The following NPTN variants were observed in gnomAD, a reference collection of about 807,000 sequenced individuals.
NPTN encodes neuroplastin.
In NPTN, 5 loss-of-function variants were observed where a neutral mutation model predicts 42.7. The observed-to-expected ratio is 0.12, with a 90% CI of 0.06 to 0.25. The LOEUF is 0.25. Among genes scored for constraint, NPTN ranks in the 10% least tolerant of loss-of-function variants. NPTN has a pLI of 1.00. For missense variants in NPTN, 307 were observed against 525.4 expected, an observed-to-expected ratio of 0.58 and a Z score of 4.06; for synonymous variants, 180 against 201.9, an observed-to-expected ratio of 0.89 and a Z score of 0.92.
intron 1 of NPTN, among the ~76,000 whole-genome samples, chr15:73,615,736 A>G (rs1026415319): frequency 9.2e-5 from 14 of 152,154 alleles, no homozygotes; most frequent in Admixed American, 2.6e-4. Flanking sequence ...CATTACTAAC[A>G]AAGACCGATT....
chr15:73,566,943 G>A (rs1428366223), intron 6 of NPTN: 2 of 852,552 alleles, frequency 2.3e-6, no homozygotes. Flanking sequence ...GCAGGTGGGT[G>A]TTTTCATGTA....
At chr15:73,572,253 A>G (rs766790725) in intron 5 of NPTN, among the ~76,000 whole-genome samples, 18 of 152,340 alleles carry the variant, frequency 1.2e-4, no homozygotes, top group Non-Finnish European at 2.5e-4. Context: ...AACCCTTCCA[A>G]AGAAGATGGA....
At chr15:73,614,521 G>C (rs1346946488) in intron 1 of NPTN, among the ~76,000 whole-genome samples, 1 of 152,228 alleles carries the variant, frequency 6.6e-6, no homozygotes, top group East Asian at 1.9e-4. Context: ...CATATTCTAT[G>C]AATCCATGAA....
At chr15:73,603,696 A>C (rs1031814050) in intron 1 of NPTN, among the ~76,000 whole-genome samples, 3 of 152,272 alleles carry the variant, frequency 2.0e-5, no homozygotes, top group Non-Finnish European at 2.9e-5. Context: ...AGTAGAAAAT[A>C]ATCCTATCAA....
intron 1 of NPTN, among the ~76,000 whole-genome samples, chr15:73,598,472 TAA>T (rs201563805): frequency 4.2e-5 from 6 of 142,670 alleles, no homozygotes; most frequent in African/African-American, 1.5e-4. Context: ...CAGAAAGAGT[TAA>T]AAAAAAAAAA....
chr15:73,569,530 C>G lies in NPTN; in HGVS notation c.1114+620G>C. On this transcript the variant is annotated intron_variant, in intron 6 of 8. Transcript: ENST00000345330. This position sits in a 1 kb window ranked among gnomAD's most constrained non-coding sequence, Gnocchi z 4.1. ...TAGATGGGTGGATACATCAGACTCT[C>G]CTTTGTCTGTGAGACACAGATGGAA... 1 of 985,458 alleles carries G rather than the reference C, an allele frequency of 1.0e-6. No individual in the cohort carries two copies. Among genetic ancestry groups the G allele is most frequent in the Non-Finnish European group, 1.2e-6 (1 of 829,948 alleles). 61.0% of individuals were successfully genotyped at this position (985,458 alleles called of 1,614,324 possible). A position where few individuals can be genotyped will look rare whatever the true frequency, so the allele number is the denominator to read the frequency against.
At chr15:73,615,567 A>T (rs899867532) in intron 1 of NPTN, among the ~76,000 whole-genome samples, 2 of 152,210 alleles carry the variant, frequency 1.3e-5, no homozygotes, top group African/African-American at 4.8e-5. Flanking sequence ...ACATTATTTA[A>T]TCCAAACACA....
At chr15:73,571,523 G>C (rs1414993326) in intron 5 of NPTN, among the ~76,000 whole-genome samples, 2 of 152,150 alleles carry the variant, frequency 1.3e-5, no homozygotes, top group Non-Finnish European at 2.9e-5. Flanking sequence ...GAAAGAGTCA[G>C]GGAAAGCTTC....
In NPTN at chr15:73,561,987, G is replaced by A; in HGVS notation, c.1137-17C>T. 1.3e-6 allele frequency: 2 copies of A among 1,581,484 alleles called. No individual in the cohort carries two copies. The highest frequency in any genetic ancestry group is 2.3e-5 in the South Asian group (2 of 87,074). ...TTGGTTTTCCTTTGGAGGAAAAATT[G>A]CATTACATGAGTTAAACTCAGTCAA... On this transcript the variant is annotated splice_polypyrimidine_tract_variant and intron_variant, in intron 7 of 8. Coordinates refer to ENST00000345330, the MANE Select transcript of NPTN (RefSeq NM_012428.4).
intron 1 of NPTN, among the ~76,000 whole-genome samples, chr15:73,600,381 A>G: frequency 6.6e-6 from 1 of 152,212 alleles, no homozygotes; most frequent in East Asian, 1.9e-4. Flanking sequence ...TAACAGTGAC[A>G]TTTTCTAAGT....
chr15:73,582,904 C>T (rs959859855), intron 4 of NPTN, among the ~76,000 whole-genome samples: 5 of 152,212 alleles, frequency 3.3e-5, no homozygotes, highest in African/African-American at 9.6e-5. Context: ...CCTCAAACAT[C>T]GGACTCCAAG....
chr15:73,601,987 G>C (rs533803699), intron 1 of NPTN, among the ~76,000 whole-genome samples: 1 of 152,244 alleles, frequency 6.6e-6, no homozygotes, highest in African/African-American at 2.4e-5. Context: ...AGAAAAGGAG[G>C]AGCTTGCTGG....
intron 1 of NPTN, among the ~76,000 whole-genome samples, chr15:73,611,836 A>G (rs1291859858): frequency 1.3e-5 from 2 of 152,090 alleles, no homozygotes; most frequent in East Asian, 1.9e-4. Context: ...TGGGGGCTGT[A>G]TGTGTGTGGG....
intron 6 of NPTN, chr15:73,565,733 G>A (rs1375570566): frequency 2.2e-6 from 1 of 456,458 alleles, no homozygotes; most frequent in East Asian, 6.9e-5. Context: ...ATGGAAACAA[G>A]ATGCTTCTGG....
chr15:73,576,140 C>T (rs560361440), intron 4 of NPTN, among the ~76,000 whole-genome samples: 5 of 152,248 alleles, frequency 3.3e-5, no homozygotes, highest in African/African-American at 9.6e-5. Context: ...CCAGCATGCC[C>T]GAAGGGTTAC....
At chr15:73,574,923 CG>C (rs1555407298) in intron 4 of NPTN, among the ~76,000 whole-genome samples, 2 of 152,180 alleles carry the variant, frequency 1.3e-5, no homozygotes, top group Non-Finnish European at 2.9e-5. Context: ...GAGATAAAAG[CG>C]AATTCTTTGG....
At chr15:73,571,145 C>A (rs937335194) in intron 5 of NPTN, among the ~76,000 whole-genome samples, 1 of 152,062 alleles carries the variant, frequency 6.6e-6, no homozygotes, top group African/African-American at 2.4e-5. Flanking sequence ...ATTAGCTGAG[C>A]ATAGTGGTGT....
In NPTN at chr15:73,569,199, C is replaced by T. The variant is rs889648124; in HGVS notation, c.1114+951G>A. 1.4e-5 allele frequency: 14 copies of T among 985,392 alleles called. No individual in the cohort carries two copies. Among genetic ancestry groups the T allele is most frequent in the African/African-American group, 7.0e-5 (4 of 57,226 alleles). 61.0% of individuals were successfully genotyped at this position (985,392 alleles called of 1,614,324 possible). A position where few individuals can be genotyped will look rare whatever the true frequency, so the allele number is the denominator to read the frequency against. On this transcript the variant is annotated intron_variant, in intron 6 of 8. Coordinates refer to ENST00000345330, the MANE Select transcript of NPTN (RefSeq NM_012428.4). The surrounding 1 kb of genome is among the most constrained non-coding windows in gnomAD (Gnocchi z 4.1). ...AACAGTCGGCCAATTAATTTCTGTA[C>T]GCCGGTCATGTTATAGGGTGGGGAT...
intron 1 of NPTN, among the ~76,000 whole-genome samples, chr15:73,600,850 G>T (rs1042121700): frequency 2.0e-5 from 3 of 152,166 alleles, no homozygotes; most frequent in African/African-American, 7.2e-5. Flanking sequence ...CAACTGGGGG[G>T]AGGGTGAACA....
Sources: gnomAD v4.1 joint callset for allele counts (sites outside exome capture counted in the v4.1 genomes callset) on GRCh38, gnomAD v4.1.1 for gene constraint, Gnocchi (gnomAD v3.1) non-coding constraint, MANE v1.5 for transcripts, NCBI Gene and HGNC (gene_info 2026-07-23, HGNC 2026-07-21) for gene names.